TIAM2: variants seen among roughly 807,000 people sequenced by gnomAD.
The protein encoded by TIAM2 is rho guanine nucleotide exchange factor TIAM2.
TIAM2 carries 80 observed loss-of-function variants against 152.9 expected under a neutral mutation model. The observed-to-expected ratio is 0.52, with a 90% CI of 0.44 to 0.63. TIAM2 has a LOEUF of 0.63. TIAM2 is among the 30% of genes least tolerant of loss of function. The pLI is 0.00. For missense variants in TIAM2, 1,965 were observed against 2,120.1 expected (o/e 0.93, Z 1.44); for synonymous variants, 804 against 838.0 (o/e 0.96, Z 0.70).
intron 1 of TIAM2, among the ~76,000 whole-genome samples, chr6:155,031,932 A>G (rs919273924): frequency 5.9e-5 from 9 of 152,192 alleles, no homozygotes; most frequent in African/African-American, 2.2e-4. Context: ...TGAGGTATCT[A>G]TGAAAGCTAT....
chr6:155,136,515 C>T (rs376554148), intron 4 of TIAM2, among the ~76,000 whole-genome samples: 10 of 152,036 alleles, frequency 6.6e-5, no homozygotes, highest in African/African-American at 1.9e-4. Flanking sequence ...CTCAGGTGAT[C>T]CACCTGCCTC....
At chr6:155,191,073 G>A (rs1481556901) in intron 14 of TIAM2, among the ~76,000 whole-genome samples, 4 of 152,098 alleles carry the variant, frequency 2.6e-5, no homozygotes, top group Admixed American at 1.3e-4. Flanking sequence ...CACTATCTTC[G>A]CTTTTTCAGA....
intron 1 of TIAM2, among the ~76,000 whole-genome samples, chr6:155,049,928 G>A (rs1283976606): frequency 6.6e-6 from 1 of 152,068 alleles, no homozygotes; most frequent in Admixed American, 6.6e-5. Context: ...TGATAGTCTT[G>A]GCAGTAGGAC....
At chr6:155,125,333 G>T (rs943486459) in intron 2 of TIAM2, among the ~76,000 whole-genome samples, 2 of 152,098 alleles carry the variant, frequency 1.3e-5, no homozygotes, top group Admixed American at 1.3e-4. Flanking sequence ...ATAAGCACAT[G>T]AAAAAGATGG....
In TIAM2 at chr6:155,001,156, G is replaced by A. The variant is rs2114835727; in HGVS notation, c.-209+5664G>A. Among the ~76,000 whole-genome samples the A allele has an allele frequency of 1.3e-5, 2 of 152,232 alleles. 1 individual carries two copies. Among genetic ancestry groups the A allele is most frequent in the Non-Finnish European group, 2.9e-5 (2 of 68,028 alleles). ...AAGATTCCAGAAATATAAAGGAAGT[G>A]CAGTGGACTTGGTGACTGAGAAAAT... On this transcript the variant is annotated intron_variant, in intron 1 of 26. Transcript: ENST00000682666.
At chr6:155,203,594 A>G (rs1043863146) in intron 14 of TIAM2, among the ~76,000 whole-genome samples, 3 of 152,248 alleles carry the variant, frequency 2.0e-5, no homozygotes, top group Non-Finnish European at 4.4e-5. Flanking sequence ...ACCATTTATT[A>G]TTCACTTGTA....
intron 1 of TIAM2, among the ~76,000 whole-genome samples, chr6:154,998,595 A>T (rs561123923): frequency 1.4e-4 from 21 of 152,350 alleles, no homozygotes; most frequent in African/African-American, 4.8e-4. Context: ...GTGAATTATC[A>T]TGCAAGCATT....
chr6:155,020,878 AAAC>A (rs1245404862), intron 1 of TIAM2, among the ~76,000 whole-genome samples: 8 of 152,116 alleles, frequency 5.3e-5, no homozygotes, highest in African/African-American at 1.9e-4. Flanking sequence ...GTACCCCGTT[AAAC>A]AATACCCCCC....
chr6:155,252,166 C>T (rs1783702552), intron 23 of TIAM2, among the ~76,000 whole-genome samples, 163 bp downstream of exon 23: 1 of 152,120 alleles, frequency 6.6e-6, no homozygotes, highest in Non-Finnish European at 1.5e-5. Context: ...TCTGAGTCTC[C>T]CCATGAAAGA....
At chr6:155,022,611 T>C (rs1203586646) in intron 1 of TIAM2, 1 of 152,262 alleles carries the variant, frequency 6.6e-6, no homozygotes, top group Non-Finnish European at 1.5e-5. Flanking sequence ...GTCTGTCTGA[T>C]TCTTGAAGAG....
intron 6 of TIAM2, among the ~76,000 whole-genome samples, chr6:155,146,768 A>ATTTT (rs373361803): frequency 6.6e-5 from 9 of 135,894 alleles, no homozygotes; most frequent in African/African-American, 2.2e-4. Flanking sequence ...TGCCTGGCTA[A>ATTTT]TTTTTTTTTT....
chr6:155,147,746 A>G (rs1779850417), intron 6 of TIAM2, among the ~76,000 whole-genome samples: 1 of 152,152 alleles, frequency 6.6e-6, no homozygotes, highest in African/African-American at 2.4e-5. Context: ...CAGCCTCCCA[A>G]AGTGCTGGGA....
chr6:155,215,961 C>T (rs1391975453), intron 15 of TIAM2, among the ~76,000 whole-genome samples: 1 of 152,032 alleles, frequency 6.6e-6, no homozygotes, highest in Admixed American at 6.5e-5. Flanking sequence ...GTGCCTGCCA[C>T]CATGCCCGGA....
At chr6:155,024,295 C>T (rs1776557087) in intron 1 of TIAM2, among the ~76,000 whole-genome samples, 1 of 152,136 alleles carries the variant, frequency 6.6e-6, no homozygotes, top group African/African-American at 2.4e-5. Flanking sequence ...GCCTTTCTTA[C>T]TGTAAGATTT....
At chr6:155,056,321 A>ACATG (rs1562302872) in intron 1 of TIAM2, among the ~76,000 whole-genome samples, 1 of 151,464 alleles carries the variant, frequency 6.6e-6, no homozygotes, top group African/African-American at 2.4e-5. Flanking sequence ...GTCGGCGCCT[A>ACATG]CCACCATGCC....
In TIAM2 at chr6:155,179,145, T is replaced by A; in HGVS notation, c.2628+2T>A. 6.2e-7 allele frequency: 1 copy of A among 1,609,768 alleles called. No individual in the cohort carries two copies. The highest frequency in any genetic ancestry group is 8.5e-7 in the Non-Finnish European group (1 of 1,176,812). On this transcript the variant is annotated splice_donor_variant, in intron 11 of 26. Coordinates refer to ENST00000682666, the MANE Select transcript of TIAM2 (RefSeq NM_012454.4). LOFTEE classifies it high-confidence loss of function. ...CCATATGAATATATGCAACAACAGGTAAGTGTGCACTAGCTTTAGGAAGGG... is the reference window on the plus strand; with the variant it reads ...CCATATGAATATATGCAACAACAGGAAAGTGTGCACTAGCTTTAGGAAGGG...
At position 155,174,170 on chromosome 6, in the gene TIAM2, C is replaced by T. The variant is rs1309188665; in HGVS notation, c.2362-2646C>T. 6.6e-6 allele frequency among the ~76,000 whole-genome samples: 1 copy of T among 152,196 alleles called. No homozygotes were observed. Among genetic ancestry groups the T allele is most frequent in the South Asian group, 2.1e-4 (1 of 4,832 alleles). ...AGTGGTGGTGTGAACCAGCTCATCC[C>T]AGACTTCCACCCTTCAGATCCCCGG... On this transcript the variant is annotated intron_variant, in intron 9 of 26. Transcript: ENST00000682666. The surrounding 1 kb of genome is among the most constrained non-coding windows in gnomAD (Gnocchi z 4.2).
In TIAM2 at chr6:155,173,582, C is replaced by T. The variant is rs566119897; in HGVS notation, c.2362-3234C>T. Among the ~76,000 whole-genome samples the T allele has an allele frequency of 3.3e-5, 5 of 152,290 alleles. No individual in the cohort carries two copies. The East Asian group carries it at 7.7e-4, about 23-fold the overall frequency. On this transcript the variant is annotated intron_variant, in intron 9 of 26. Coordinates refer to ENST00000682666, the MANE Select transcript of TIAM2 (RefSeq NM_012454.4). Reference sequence around the variant, plus strand: ...TGAGTAAGATACTGAAAACGGACAGCGTTTACCCTTCTGCCTGTAATATGA... The same window carrying T: ...TGAGTAAGATACTGAAAACGGACAGTGTTTACCCTTCTGCCTGTAATATGA...
At chr6:155,025,448 TGAGATTACA>T (rs1776582916) in intron 1 of TIAM2, among the ~76,000 whole-genome samples, 1 of 152,054 alleles carries the variant, frequency 6.6e-6, no homozygotes, top group Admixed American at 6.6e-5. Context: ...CCCAAAGTAC[TGAGATTACA>T]GGCATGAGCC....
Sources: allele counts gnomAD v4.1 joint callset (sites outside exome capture counted in the v4.1 genomes callset), GRCh38; gene constraint gnomAD v4.1.1; non-coding constraint Gnocchi (gnomAD v3.1); transcripts MANE v1.5; gene names NCBI Gene and HGNC (gene_info 2026-07-23, HGNC 2026-07-21).